PLSCR4: variants seen among roughly 807,000 people sequenced by gnomAD.
PLSCR4 encodes phospholipid scramblase 4.
PLSCR4 carries 25 observed loss-of-function variants against 36.3 expected under a neutral mutation model. The ratio of observed to expected loss-of-function variants is 0.69; its 90% CI spans 0.50 to 0.96. PLSCR4 has a LOEUF of 0.96. Among genes scored for constraint, PLSCR4 ranks in the 40% least tolerant of loss-of-function variants. The pLI is 0.00. For synonymous variants in PLSCR4, 122 were observed against 132.9 expected, an observed-to-expected ratio of 0.92 and a Z score of 0.56; for missense variants, 408 against 414.7, an observed-to-expected ratio of 0.98 and a Z score of 0.14.
chr3:146,215,126 T>C (rs1050522506), intron 3 of PLSCR4, among the ~76,000 whole-genome samples: 9 of 152,090 alleles, frequency 5.9e-5, no homozygotes, highest in Non-Finnish European at 1.2e-4. Flanking sequence ...TGATACAGCA[T>C]TTTACAAACT....
chr3:146,203,818 C>A (rs1205717546), intron 4 of PLSCR4, among the ~76,000 whole-genome samples: 1 of 151,990 alleles, frequency 6.6e-6, no homozygotes, highest in Non-Finnish European at 1.5e-5. Flanking sequence ...TTCTCCATAT[C>A]AGCAATTAGG....
At chr3:146,208,378 T>C (rs952168193) in intron 3 of PLSCR4, among the ~76,000 whole-genome samples, 2 of 152,106 alleles carry the variant, frequency 1.3e-5, no homozygotes, top group East Asian at 3.9e-4. Flanking sequence ...AGGCAAAGAC[T>C]TCATGACCAA....
rs1000972053 is a variant in PLSCR4 at position 146,192,668 on chromosome 3, T to A, written c.*1743A>T. ...TTAGGCAAGTTAAAAATAAAAAGTT[T>A]ATATGCTTAAACTTTCTGAATATTG... On this transcript the variant is annotated 3_prime_UTR_variant, in exon 9 of 9. Transcript: ENST00000354952. 3 of 152,024 alleles carry A rather than the reference T, an allele frequency of 2.0e-5. No homozygotes were observed. In the South Asian group the frequency reaches 6.2e-4, roughly 31 times the overall value. The allele number at this position is 152,024 out of a possible 1,614,324, so 9.4% of individuals were successfully genotyped here. A position where few individuals can be genotyped will look rare whatever the true frequency, so the allele number is the denominator to read the frequency against.
rs999936233 is a variant in PLSCR4, at chr3:146,193,856, G to C, written c.*555C>G. The C allele has an allele frequency of 1.8e-4, 28 of 152,154 alleles. No individual in the cohort carries two copies. The highest frequency in any genetic ancestry group is 6.8e-4 in the African/African-American group (28 of 41,430). The allele number at this position is 152,154 out of a possible 1,614,324, so 9.4% of individuals were successfully genotyped here. A position where few individuals can be genotyped will look rare whatever the true frequency, so the allele number is the denominator to read the frequency against. On this transcript the variant is annotated 3_prime_UTR_variant, in exon 9 of 9. Transcript: ENST00000354952. ...TCCCATTGAAACCTTCAAAAACTTT[G>C]CAGAATGAGGTTTTGATATATGTGT... is the stretch of plus-strand genomic sequence containing the variant.
At chr3:146,239,448 G>A (rs1345601667) in intron 1 of PLSCR4, among the ~76,000 whole-genome samples, 2 of 142,618 alleles carry the variant, frequency 1.4e-5, no homozygotes, top group African/African-American at 5.2e-5. Flanking sequence ...ATTGATTTTT[G>A]ACAAGGATAC....
At chr3:146,226,913 G>A (rs780030794) in intron 1 of PLSCR4, among the ~76,000 whole-genome samples, 1 of 152,164 alleles carries the variant, frequency 6.6e-6, no homozygotes, top group African/African-American at 2.4e-5. Flanking sequence ...TCAGATACTC[G>A]AAGTCTGTTT....
Position 146,194,172 on chromosome 3 carries a change from G to A in PLSCR4, c.*239C>T. 1 of 463,982 alleles carries A rather than the reference G, an allele frequency of 2.2e-6. No individual in the cohort carries two copies. The highest frequency in any genetic ancestry group is 3.8e-6 in the Non-Finnish European group (1 of 262,278). 28.7% of individuals were successfully genotyped at this position (463,982 alleles called of 1,614,324 possible). A position where few individuals can be genotyped will look rare whatever the true frequency, so the allele number is the denominator to read the frequency against. On this transcript the variant is annotated 3_prime_UTR_variant, in exon 9 of 9. Transcript: ENST00000354952. ...AAGCTTACTTTGTATATGTTTACTG[G>A]GTTAATGAGTCACAGCTTTTCAGGA...
chr3:146,218,917 A>G (rs1353531029), intron 3 of PLSCR4, among the ~76,000 whole-genome samples: 1 of 152,242 alleles, frequency 6.6e-6, no homozygotes, highest in African/African-American at 2.4e-5. Context: ...AATAGTGGAT[A>G]AAATTATTTT....
At chr3:146,249,732 AC>A (rs1442428967) in intron 1 of PLSCR4, among the ~76,000 whole-genome samples, 1 of 151,982 alleles carries the variant, frequency 6.6e-6, no homozygotes, top group Non-Finnish European at 1.5e-5. Context: ...ACAGTTAAAA[AC>A]AGTAACAAAA....
intron 1 of PLSCR4, among the ~76,000 whole-genome samples, chr3:146,249,244 T>C (rs1014240118): frequency 6.6e-6 from 1 of 152,138 alleles, no homozygotes; most frequent in African/African-American, 2.4e-5. Context: ...AAATATCTAT[T>C]CAGGCTTTCT....
At position 146,194,106 on chromosome 3, in the gene PLSCR4, C is replaced by G; in HGVS notation, c.*305G>C. On this transcript the variant is annotated 3_prime_UTR_variant, in exon 9 of 9. Transcript: ENST00000354952. Reference sequence around the variant, plus strand: ...GTTTCACTACCTATTAATATGAGAACTCTGGATTCATTTTCCCTTATCTCA... The same window carrying G: ...GTTTCACTACCTATTAATATGAGAAGTCTGGATTCATTTTCCCTTATCTCA... The G allele has an allele frequency of 3.9e-6, 1 of 258,026 alleles. No individual in the cohort carries two copies. Among genetic ancestry groups the G allele is most frequent in the Non-Finnish European group, 7.3e-6 (1 of 137,118 alleles). The allele number at this position is 258,026 out of a possible 1,614,324, so 16.0% of individuals were successfully genotyped here. A position where few individuals can be genotyped will look rare whatever the true frequency, so the allele number is the denominator to read the frequency against.
chr3:146,220,975 T>G (rs748580862), intron 2 of PLSCR4, 50 bp from the exon 3 acceptor site: 28 of 1,081,634 alleles, frequency 2.6e-5, no homozygotes, highest in Non-Finnish European at 3.3e-5. Flanking sequence ...AATAATATAA[T>G]GACAAAATGT....
intron 4 of PLSCR4, 31 bp from the exon 5 acceptor site, chr3:146,201,108 C>A: frequency 7.3e-7 from 1 of 1,375,790 alleles, no homozygotes; most frequent in Non-Finnish European, 9.8e-7. Context: ...AATCAGAAGA[C>A]AGAAATAACA....
At chr3:146,199,310 C>T (rs1187398190) in intron 6 of PLSCR4, among the ~76,000 whole-genome samples, 4 of 152,128 alleles carry the variant, frequency 2.6e-5, no homozygotes, top group Non-Finnish European at 5.9e-5. Flanking sequence ...CACTGTAACT[C>T]AGCACATCTG....
chr3:146,240,681 G>GT (rs2036112486), intron 1 of PLSCR4, among the ~76,000 whole-genome samples: 1 of 147,520 alleles, frequency 6.8e-6, no homozygotes, highest in East Asian at 2.0e-4. Context: ...ATAACAACAC[G>GT]TTTTAGGAGA....
chr3:146,217,754 A>G (rs2034960255), intron 3 of PLSCR4, among the ~76,000 whole-genome samples: 1 of 152,216 alleles, frequency 6.6e-6, no homozygotes. Context: ...TAGAAGCAAG[A>G]TAACAAAGTT....
chr3:146,216,978 C>A (rs553381785), intron 3 of PLSCR4, among the ~76,000 whole-genome samples: 13 of 152,220 alleles, frequency 8.5e-5, no homozygotes, highest in African/African-American at 2.9e-4. Context: ...TCATGAAATT[C>A]TCCTAATACT....
chr3:146,227,271 T>G (rs2035517332), intron 1 of PLSCR4, among the ~76,000 whole-genome samples: 1 of 152,146 alleles, frequency 6.6e-6, no homozygotes, highest in Non-Finnish European at 1.5e-5. Flanking sequence ...CTTGGTATTT[T>G]GGGGGCATGA....
In PLSCR4 at chr3:146,244,073, T is replaced by C. The variant is rs542740026; in HGVS notation, c.-22+6887A>G. On this transcript the variant is annotated intron_variant, in intron 1 of 8. Coordinates refer to ENST00000354952, the MANE Select transcript of PLSCR4 (RefSeq NM_020353.3). Reference sequence around the variant, plus strand: ...TTACTGTTAAGCACTTATTTGTGAGTAATGTAAGAAAATGATTACTTATCA... The same window carrying C: ...TTACTGTTAAGCACTTATTTGTGAGCAATGTAAGAAAATGATTACTTATCA... Among the ~76,000 whole-genome samples the C allele has an allele frequency of 9.2e-5, 14 of 152,258 alleles. No homozygotes were observed. The East Asian group carries it at 1.4e-3, about 15-fold the overall frequency.
Sources: gnomAD v4.1 joint callset for allele counts (sites outside exome capture counted in the v4.1 genomes callset) on GRCh38, gnomAD v4.1.1 for gene constraint, MANE v1.5 for transcripts, NCBI Gene and HGNC (gene_info 2026-07-23, HGNC 2026-07-21) for gene names.